The following JAZF1 variants were observed in gnomAD, a reference collection of about 807,000 sequenced individuals.
JAZF1 encodes JAZF zinc finger 1.
JAZF1 carries 8 observed loss-of-function variants against 26.4 expected under a neutral mutation model. The ratio of observed to expected loss-of-function variants is 0.30; its 90% CI spans 0.18 to 0.55. JAZF1 has a LOEUF of 0.55. Among genes scored for constraint, JAZF1 ranks in the 20% least tolerant of loss-of-function variants. JAZF1 has a pLI of 0.94. For missense variants in JAZF1, 199 were observed against 322.0 expected (o/e 0.62, Z 2.92); for synonymous variants, 126 against 122.3 (o/e 1.03, Z -0.20).
chr7:27,863,761 G>A (rs1349552962), intron 3 of JAZF1: 1 of 152,198 alleles, frequency 6.6e-6, no homozygotes, highest in Non-Finnish European at 1.5e-5. Flanking sequence ...GTGACTACGC[G>A]ATGTGGTTCC....
chr7:27,998,067 A>C (rs62449873), intron 1 of JAZF1, among the ~76,000 whole-genome samples: 8,065 of 71,842 alleles, frequency 0.11, 337 homozygotes, highest in African/African-American at 0.21. Flanking sequence ...GGAAGGAAGG[A>C]AGGAAGGCAG....
chr7:28,058,927 G>GT (rs1783757747), intron 1 of JAZF1, among the ~76,000 whole-genome samples: 1 of 150,756 alleles, frequency 6.6e-6, no homozygotes, highest in Non-Finnish European at 1.5e-5. Flanking sequence ...CACATCAAGC[G>GT]TAACACTAAC....
intron 2 of JAZF1, among the ~76,000 whole-genome samples, chr7:27,962,554 T>C (rs540408615): frequency 3.9e-5 from 6 of 152,348 alleles, no homozygotes; most frequent in African/African-American, 1.4e-4. Context: ...TCAGTCCTTG[T>C]ATTTTATAAA....
intron 2 of JAZF1, among the ~76,000 whole-genome samples, chr7:27,943,454 G>A (rs771496429): frequency 3.3e-5 from 5 of 152,130 alleles, no homozygotes; most frequent in African/African-American, 9.7e-5. Context: ...AGACTGATCC[G>A]GGGAGATGTG....
intron 2 of JAZF1, among the ~76,000 whole-genome samples, chr7:27,963,568 C>CTT (rs1481483685): frequency 0.034 from 3,790 of 111,356 alleles, 238 homozygotes; most frequent in African/African-American, 0.13. Flanking sequence ...TCCCCCCCCC[C>CTT]CTTTTTTTTT....
chr7:28,113,499 G>C (rs991226199), intron 1 of JAZF1, among the ~76,000 whole-genome samples: 1 of 152,092 alleles, frequency 6.6e-6, no homozygotes, highest in Non-Finnish European at 1.5e-5. Flanking sequence ...TTCTCACCTG[G>C]TTATTCAACA....
chr7:27,934,780 T>C (rs1390708607), intron 2 of JAZF1, among the ~76,000 whole-genome samples: 4 of 152,168 alleles, frequency 2.6e-5, no homozygotes, highest in African/African-American at 9.7e-5. Context: ...TAAATCCTCC[T>C]TACTTTGGGT....
chr7:28,137,729 A>T (rs1042602456), intron 1 of JAZF1, among the ~76,000 whole-genome samples: 6 of 152,312 alleles, frequency 3.9e-5, no homozygotes, highest in Admixed American at 3.9e-4. Context: ...GTGCAGCCAG[A>T]AACTCAGGAT....
intron 1 of JAZF1, among the ~76,000 whole-genome samples, chr7:28,031,554 A>G (rs1413534986): frequency 2.0e-5 from 3 of 152,168 alleles, no homozygotes; most frequent in East Asian, 3.8e-4. Flanking sequence ...AGAGCGTACC[A>G]TTTGTACATG....
chr7:27,934,841 A>G (rs532295669), intron 2 of JAZF1, among the ~76,000 whole-genome samples: 108 of 152,340 alleles, frequency 7.1e-4, no homozygotes, highest in African/African-American at 2.6e-3. Context: ...GACAAAAGAA[A>G]AAACTAGATA....
intron 2 of JAZF1, among the ~76,000 whole-genome samples, chr7:27,972,431 G>A (rs1354041426): frequency 6.6e-6 from 1 of 152,200 alleles, no homozygotes. Context: ...GGGGAAGGAG[G>A]ATGGGGGTAA....
intron 3 of JAZF1, among the ~76,000 whole-genome samples, chr7:27,869,032 T>C (rs968217847): frequency 6.6e-6 from 1 of 152,228 alleles, no homozygotes; most frequent in Non-Finnish European, 1.5e-5. Context: ...TGTATTGTTA[T>C]GTATTGCTAC....
chr7:27,972,250 A>C (rs1181770864), intron 2 of JAZF1, among the ~76,000 whole-genome samples: 1 of 152,352 alleles, frequency 6.6e-6, no homozygotes, highest in African/African-American at 2.4e-5. Context: ...AAAGGAGGGA[A>C]GCCCTGCTGC....
At chr7:27,882,240 A>C (rs1256947676) in intron 3 of JAZF1, among the ~76,000 whole-genome samples, 1 of 151,922 alleles carries the variant, frequency 6.6e-6, no homozygotes, top group African/African-American at 2.4e-5. Context: ...TTGTCCCCCA[A>C]CCAACTTTAG....
chr7:27,873,904 C>T (rs1454532163), intron 3 of JAZF1, among the ~76,000 whole-genome samples: 2 of 152,160 alleles, frequency 1.3e-5, no homozygotes, highest in Admixed American at 6.5e-5. Context: ...CACTCTGATG[C>T]AATTATTATA....
At chr7:27,870,242 A>G (rs539534967) in intron 3 of JAZF1, among the ~76,000 whole-genome samples, 1 of 151,926 alleles carries the variant, frequency 6.6e-6, no homozygotes, top group South Asian at 2.1e-4. Flanking sequence ...GCATTTAGAA[A>G]GCCCCCATAA....
intron 3 of JAZF1, among the ~76,000 whole-genome samples, chr7:27,849,568 G>A (rs73083343): frequency 0.034 from 5,124 of 152,176 alleles, 121 homozygotes; most frequent in Non-Finnish European, 0.052. Context: ...CAGGACAGCA[G>A]CCGAAAGGGG....
At chr7:27,937,963 C>G (rs1170617419) in intron 2 of JAZF1, among the ~76,000 whole-genome samples, 1 of 152,116 alleles carries the variant, frequency 6.6e-6, no homozygotes, top group Non-Finnish European at 1.5e-5. Context: ...TCTTCTTAAA[C>G]TTAGCAATAG....
intron 2 of JAZF1, among the ~76,000 whole-genome samples, chr7:27,920,572 T>A (rs1784511180): frequency 6.6e-6 from 1 of 152,204 alleles, no homozygotes; most frequent in African/African-American, 2.4e-5. Context: ...AAAAACTTTG[T>A]TCTAGTGAAA....
Sources: allele counts gnomAD v4.1 joint callset (sites outside exome capture counted in the v4.1 genomes callset), GRCh38; gene constraint gnomAD v4.1.1; transcripts MANE v1.5; gene names NCBI Gene and HGNC (gene_info 2026-07-23, HGNC 2026-07-21).